The following MID1 variants were observed in gnomAD, a reference collection of about 807,000 sequenced individuals.
MID1 encodes E3 ubiquitin-protein ligase Midline-1.
MID1 carries 7 observed loss-of-function variants against 40.4 expected under a neutral mutation model. That is an observed-to-expected ratio of 0.17 (90% CI 0.10 to 0.33). The LOEUF (loss-of-function observed/expected upper bound fraction) is 0.33, where lower values mean the gene tolerates loss of function less well. Among genes scored for constraint, MID1 ranks in the 10% least tolerant of loss-of-function variants. MID1 has a pLI of 1.00. For synonymous variants in MID1, 229 were observed against 221.2 expected (o/e 1.04, Z -0.31); for missense variants, 367 against 558.5 (o/e 0.66, Z 3.46).
At chrX:10,640,140 G>T (rs977330606) in intron 1 of MID1, among the ~76,000 whole-genome samples, 1 of 111,775 alleles carries the variant, frequency 8.9e-6, no homozygotes, top group Non-Finnish European at 1.9e-5. Context: ...ATATCATTAT[G>T]ACAGGATCAA....
Position 10,469,752 on chromosome X carries a change from G to A in MID1, c.1230C>T (p.Ser410=), listed in dbSNP as rs16986145. Residue 410 remains serine (S), a synonymous_variant, in exon 7 of 10, where the codon AGC becomes AGT. Coordinates refer to ENST00000317552, the MANE Select transcript of MID1 (RefSeq NM_000381.4). ...TVHWTSDDEF[S]VVSYELQYTI... is the part of the protein sequence containing the mutation. ...TGTACTGGAGCTCGTAGGAGACCAC[G>A]CTGAACTCATCATCGGAGGTCCAAT... 26,223 of 1,208,032 alleles carry A rather than the reference G, an allele frequency of 0.022. 843 individuals carry two copies. Among genetic ancestry groups the A allele is most frequent in the African/African-American group, 0.18 (10,218 of 56,933 alleles).
rs190798481 is a variant in MID1, at chrX:10,718,487, A to T, written c.-186-98068T>A. ...TCCTTGACACATACACTCTCCCAAG[A>T]CTAAACCAGGAAGAAGTTGAATCTC... is the stretch of plus-strand genomic sequence containing the variant. On this transcript the variant is annotated intron_variant, in intron 1 of 10. Transcript: ENST00000380785. Among the ~76,000 whole-genome samples, 711 of 111,992 alleles carry T rather than the reference A, an allele frequency of 6.3e-3. 1 individual carries two copies. Among genetic ancestry groups the T allele is most frequent in the Non-Finnish European group, 1.0e-2 (531 of 53,178 alleles).
Position 10,646,019 on chromosome X carries a change from A to G in MID1, c.-186-25600T>C, listed in dbSNP as rs753177421. Among the ~76,000 whole-genome samples the G allele has an allele frequency of 3.6e-5, 4 of 111,414 alleles. No individual in the cohort carries two copies. The South Asian group carries it at 1.2e-3, about 32-fold the overall frequency. Reference sequence around the variant, plus strand: ...CCTCAGTTGTCCATAGGAGAAGCCAAGTTGGTAATGCCCTTGTCTGGGCTT... The same window carrying G: ...CCTCAGTTGTCCATAGGAGAAGCCAGGTTGGTAATGCCCTTGTCTGGGCTT... On this transcript the variant is annotated intron_variant, in intron 1 of 10. Transcript: ENST00000380785.
At position 10,681,118 on chromosome X, in the gene MID1, T is replaced by A. The variant is rs1292994536; in HGVS notation, c.-186-60699A>T. Among the ~76,000 whole-genome samples, 3 of 109,615 alleles carry A rather than the reference T, an allele frequency of 2.7e-5. No individual in the cohort carries two copies. In the Admixed American group the frequency reaches 3.0e-4, roughly 11 times the overall value. On this transcript the variant is annotated intron_variant, in intron 1 of 10. Coordinates refer to the MID1 transcript ENST00000380785. ...TGTTCACAGACGTATATATATGTGA[T>A]GTTTGTATTAAAGGCAACAACAACA...
chrX:10,718,246 A>G (rs780760262), intron 1 of MID1, among the ~76,000 whole-genome samples: 134 of 112,042 alleles, frequency 1.2e-3, no homozygotes, highest in African/African-American at 4.2e-3. Context: ...CAAAAAATCA[A>G]TGAAGCCAGG....
chrX:10,749,866 A>G (rs2043586243), intron 1 of MID1, among the ~76,000 whole-genome samples: 1 of 111,599 alleles, frequency 9.0e-6, no homozygotes, highest in Non-Finnish European at 1.9e-5. Flanking sequence ...CACCCTCATG[A>G]TCCAGTTGCC....
intron 1 of MID1, among the ~76,000 whole-genome samples, chrX:10,711,859 G>A (rs1307225605): frequency 8.9e-6 from 1 of 112,005 alleles, no homozygotes; most frequent in Non-Finnish European, 1.9e-5. Context: ...CCCTGCAAAG[G>A]ACATCTGGCA....
rs1439332059 is a variant in MID1, at chrX:10,495,580, A to C, written c.864+4T>G. 1 of 1,179,417 alleles carries C rather than the reference A, an allele frequency of 8.5e-7. No homozygotes were observed. Among genetic ancestry groups the C allele is most frequent in the Non-Finnish European group, 1.2e-6 (1 of 866,372 alleles). On this transcript the variant is annotated splice_donor_region_variant and intron_variant, in intron 4 of 9. Coordinates refer to ENST00000317552, the MANE Select transcript of MID1 (RefSeq NM_000381.4). Reference sequence around the variant, plus strand: ...TATGAAATCTTCTGCCCTAGAAATCATACCTTCCCTTCTTTGATCTTGGTT... The same window carrying C: ...TATGAAATCTTCTGCCCTAGAAATCCTACCTTCCCTTCTTTGATCTTGGTT...
intron 1 of MID1, among the ~76,000 whole-genome samples, chrX:10,639,612 C>T (rs756136140): frequency 2.7e-5 from 3 of 111,758 alleles, no homozygotes; most frequent in East Asian, 5.6e-4. Context: ...CCAGGAGAAC[C>T]TCCCCAACCT....
chrX:10,482,048 C>T (rs1248570273), intron 5 of MID1, among the ~76,000 whole-genome samples: 1 of 111,355 alleles, frequency 9.0e-6, no homozygotes, highest in Non-Finnish European at 1.9e-5. Context: ...GAGAACAACA[C>T]CTGTGTGATT....
chrX:10,759,842 G>A (rs191189214), intron 1 of MID1, among the ~76,000 whole-genome samples: 55 of 112,075 alleles, frequency 4.9e-4, no homozygotes, highest in African/African-American at 1.7e-3. Context: ...TTTACAAACA[G>A]ATACAAAAAA....
chrX:10,586,709 C>T (rs1602440184), intron 1 of MID1, among the ~76,000 whole-genome samples: 1 of 112,632 alleles, frequency 8.9e-6, no homozygotes, highest in Admixed American at 9.3e-5. Flanking sequence ...AGCTTATCTG[C>T]TTCTTGTGCT....
intron 1 of MID1, chrX:10,589,740 C>G (rs1387436369): frequency 9.1e-6 from 1 of 110,461 alleles, no homozygotes; most frequent in African/African-American, 3.3e-5. Flanking sequence ...CCGCGTCGCT[C>G]CGGCTGGTTG....
At chrX:10,642,182 G>A (rs1255881203) in intron 1 of MID1, among the ~76,000 whole-genome samples, 1 of 111,658 alleles carries the variant, frequency 9.0e-6, no homozygotes, top group Non-Finnish European at 1.9e-5. Flanking sequence ...TCAGGCAGGA[G>A]AAAGAAATAA....
At position 10,547,685 on chromosome X, in the gene MID1, G is replaced by A. The variant is rs777909764; in HGVS notation, c.660+19203C>T. Among the ~76,000 whole-genome samples, 5 of 107,767 alleles carry A rather than the reference G, an allele frequency of 4.6e-5. No individual in the cohort carries two copies. The South Asian group carries it at 2.0e-3, about 44-fold the overall frequency. The allele number at this position is 107,767 out of a possible 115,157, so 93.6% of individuals were successfully genotyped here. ...GAAAAAAAGAAAAGAAAAAAGAAAA[G>A]AAAAGAAAAGAAAAAACTAATGAAC... On this transcript the variant is annotated intron_variant, in intron 2 of 9. Coordinates refer to ENST00000317552, the MANE Select transcript of MID1 (RefSeq NM_000381.4).
At chrX:10,684,934 C>A (rs1277200385) in intron 1 of MID1, among the ~76,000 whole-genome samples, 1 of 111,363 alleles carries the variant, frequency 9.0e-6, no homozygotes, top group African/African-American at 3.3e-5. Flanking sequence ...CTTCCTGTCT[C>A]TATAGATCTG....
intron 1 of MID1, among the ~76,000 whole-genome samples, chrX:10,693,028 A>G (rs2043140579): frequency 9.0e-6 from 1 of 111,089 alleles, no homozygotes. Context: ...CCTTATCTCT[A>G]ACGATCCTGT....
chrX:10,512,553 T>G (rs995306433), intron 3 of MID1, among the ~76,000 whole-genome samples: 1 of 112,315 alleles, frequency 8.9e-6, no homozygotes, highest in Non-Finnish European at 1.9e-5. Context: ...GTAGTGCATA[T>G]CTACATAAGT....
At chrX:10,724,084 A>G (rs1398127842) in intron 1 of MID1, among the ~76,000 whole-genome samples, 2 of 111,282 alleles carry the variant, frequency 1.8e-5, no homozygotes, top group African/African-American at 6.5e-5. Flanking sequence ...TTTTGTTGAG[A>G]CAGGGTCTCT....
Sources: gnomAD v4.1 joint callset for allele counts (sites outside exome capture counted in the v4.1 genomes callset) on GRCh38, gnomAD v4.1.1 for gene constraint, MANE v1.5 for transcripts, NCBI Gene and HGNC (gene_info 2026-07-23, HGNC 2026-07-21) for gene names.